The following WDR25 variants were observed in gnomAD, a reference collection of about 807,000 sequenced individuals.
WDR25 encodes the protein WD repeat domain 25.
In WDR25, 35 loss-of-function variants were observed where a neutral mutation model predicts 47.7. The ratio of observed to expected loss-of-function variants is 0.73; its 90% confidence interval spans 0.56 to 0.97. The LOEUF is 0.97. WDR25 is among the 50% of genes least tolerant of loss of function. The pLI, the probability that WDR25 is intolerant of heterozygous loss-of-function variation, is 0.00. For synonymous variants in WDR25, 248 were observed against 278.9 expected, an observed-to-expected ratio of 0.89 and a Z score of 1.10; for missense variants, 634 against 704.7, an observed-to-expected ratio of 0.90 and a Z score of 1.14.
rs1331203704 is a variant in WDR25, at chr14:100,380,970, G to T, written c.46G>T (p.Asp16Tyr). The T allele has an allele frequency of 6.2e-7, 1 of 1,614,120 alleles. No homozygotes were observed. The change falls in exon 2 of 7, where the codon GAT becomes TAT. Residue 16 changes from aspartate (D) to tyrosine (Y), a missense_variant. By Grantham distance (160) the Asp-to-Tyr change is radical. Coordinates refer to ENST00000402312, the MANE Select transcript of WDR25 (RefSeq NM_001161476.3). ...LSLMASLVAYDDSDSEAETEH... is the reference protein window; with the variant it reads ...LSLMASLVAYYDSDSEAETEH... ...TTTAATGGCTTCATTGGTAGCGTATGATGATTCGGACTCGGAGGCTGAGAC... is the reference window on the plus strand; with the variant it reads ...TTTAATGGCTTCATTGGTAGCGTATTATGATTCGGACTCGGAGGCTGAGAC...
Position 100,499,819 on chromosome 14 carries a change from G to T in WDR25, c.1101+15695G>T, listed in dbSNP as rs552013912. 5.3e-5 allele frequency among the ~76,000 whole-genome samples: 8 copies of T among 152,266 alleles called. No homozygotes were observed. The highest frequency in any genetic ancestry group is 1.9e-4 in the African/African-American group (8 of 41,548). ...TTCGCTGTGTTCTGCTTTGCTCCCA[G>T]TCCTTGCTAATCAGCCCAGCCAAGC... On this transcript the variant is annotated intron_variant, in intron 4 of 6. Transcript: ENST00000402312. The surrounding 1 kb of genome is among the most constrained non-coding windows in gnomAD (Gnocchi z 4.4).
At chr14:100,394,464 C>A (rs1238014739) in intron 2 of WDR25, among the ~76,000 whole-genome samples, 2 of 152,222 alleles carry the variant, frequency 1.3e-5, no homozygotes, top group Non-Finnish European at 2.9e-5. Context: ...GTGGCAGTGT[C>A]AGCAGGGCTG....
In WDR25 at chr14:100,492,913, G is replaced by A. The variant is rs1034446787; in HGVS notation, c.1101+8789G>A. ...TGCATCCTCGAACTCCTGGGCTCAAGGTATCCTCCAGCCTCAGCTTCTCTA... is the reference window on the plus strand; with the variant it reads ...TGCATCCTCGAACTCCTGGGCTCAAAGTATCCTCCAGCCTCAGCTTCTCTA... On this transcript the variant is annotated intron_variant, in intron 4 of 6. Transcript: ENST00000402312. Among the ~76,000 whole-genome samples, 3 of 152,260 alleles carry A rather than the reference G, an allele frequency of 2.0e-5. No individual in the cohort carries two copies. In the East Asian group the frequency reaches 5.8e-4, roughly 29 times the overall value.
At chr14:100,434,811 A>C (rs1898450869) in intron 2 of WDR25, among the ~76,000 whole-genome samples, 1 of 151,798 alleles carries the variant, frequency 6.6e-6, no homozygotes, top group Admixed American at 6.6e-5. Flanking sequence ...TTTTCCTTCT[A>C]TGTTTCTTTT....
chr14:100,511,574 C>T (rs1901313227), intron 4 of WDR25, among the ~76,000 whole-genome samples: 1 of 152,064 alleles, frequency 6.6e-6, no homozygotes, highest in African/African-American at 2.4e-5. Context: ...CTCCCTTCCT[C>T]CTTTTCTCCT....
At chr14:100,513,179 G>A (rs903351119) in intron 4 of WDR25, among the ~76,000 whole-genome samples, 3 of 152,082 alleles carry the variant, frequency 2.0e-5, no homozygotes, top group East Asian at 1.9e-4. Context: ...TACTTTGAAC[G>A]TATGTATCCC....
In WDR25 at chr14:100,449,458, C is replaced by G. The variant is rs113181775; in HGVS notation, c.823-18563C>G. Reference sequence around the variant, plus strand: ...GAGAGTGGTCACCTCTATTCCGGGGCCCTGCCCTGGCTGGCTGTTGCATTG... The same window carrying G: ...GAGAGTGGTCACCTCTATTCCGGGGGCCTGCCCTGGCTGGCTGTTGCATTG... On this transcript the variant is annotated intron_variant, in intron 2 of 6. Coordinates refer to ENST00000402312, the MANE Select transcript of WDR25 (RefSeq NM_001161476.3). The surrounding 1 kb of genome is among the most constrained non-coding windows in gnomAD (Gnocchi z 4.2). 2.0e-5 allele frequency among the ~76,000 whole-genome samples: 3 copies of G among 152,324 alleles called. No homozygotes were observed. The highest frequency in any genetic ancestry group is 2.0e-4 in the Admixed American group (3 of 15,312).
chr14:100,465,139 AT>A (rs1027245599), intron 2 of WDR25, among the ~76,000 whole-genome samples: 1 of 151,736 alleles, frequency 6.6e-6, no homozygotes, highest in Non-Finnish European at 1.5e-5. Flanking sequence ...AAATTCACGT[AT>A]AAATGAGATC....
intron 4 of WDR25, among the ~76,000 whole-genome samples, chr14:100,512,707 G>A (rs1172725400): frequency 2.6e-5 from 4 of 151,922 alleles, no homozygotes; most frequent in East Asian, 1.9e-4. Context: ...ATTCTTTTCC[G>A]ATTATAGATG....
intron 2 of WDR25, among the ~76,000 whole-genome samples, chr14:100,421,575 C>T (rs75177883): frequency 0.042 from 6,418 of 152,242 alleles, 304 homozygotes; most frequent in African/African-American, 0.12. Context: ...GATGCACCAC[C>T]AGGTTTTAGT....
chr14:100,410,202 G>C (rs148692821), intron 2 of WDR25, among the ~76,000 whole-genome samples: 21 of 152,290 alleles, frequency 1.4e-4, no homozygotes, highest in African/African-American at 4.8e-4. Flanking sequence ...CGTCAAACAC[G>C]TCAGTGCTCG....
chr14:100,494,184 A>G (rs116789522), intron 4 of WDR25, among the ~76,000 whole-genome samples: 5 of 152,282 alleles, frequency 3.3e-5, no homozygotes, highest in South Asian at 2.1e-4. Context: ...TTGGCCTCCT[A>G]AAAGTGTTAG....
At chr14:100,427,041 C>T (rs767232459) in intron 2 of WDR25, among the ~76,000 whole-genome samples, 3 of 152,140 alleles carry the variant, frequency 2.0e-5, no homozygotes, top group South Asian at 2.1e-4. Context: ...GATAAAAGCC[C>T]GGTCCATCAA....
chr14:100,507,105 T>A (rs1405538023), intron 4 of WDR25, among the ~76,000 whole-genome samples: 3 of 152,174 alleles, frequency 2.0e-5, no homozygotes, highest in Non-Finnish European at 4.4e-5. Context: ...CAGGGGCCAG[T>A]TTCATTTTTT....
chr14:100,433,062 C>T (rs1047406178), intron 2 of WDR25, among the ~76,000 whole-genome samples: 1 of 152,190 alleles, frequency 6.6e-6, no homozygotes, highest in Non-Finnish European at 1.5e-5. Flanking sequence ...GCATGTGGAT[C>T]GTCATTGACT....
chr14:100,380,997 G>C lies in WDR25; in HGVS notation c.73G>C (p.Glu25Gln). Residue 25 changes from glutamate to glutamine, a missense_variant, in exon 2 of 7, where the codon GAG becomes CAG. Transcript: ENST00000402312. Reference protein sequence around the residue: ...YDDSDSEAETEHAGSFNATGQ... With the variant: ...YDDSDSEAETQHAGSFNATGQ... ...TGATTCGGACTCGGAGGCTGAGACA[G>C]AGCATGCAGGAAGTTTTAATGCTAC... 1 of 1,614,232 alleles carries C rather than the reference G, an allele frequency of 6.2e-7. No homozygotes were observed. The highest frequency in any genetic ancestry group is 1.3e-5 in the African/African-American group (1 of 75,060).
At chr14:100,396,230 C>A (rs1474001076) in intron 2 of WDR25, among the ~76,000 whole-genome samples, 2 of 152,176 alleles carry the variant, frequency 1.3e-5, no homozygotes, top group Non-Finnish European at 1.5e-5. Context: ...CCTGCCTCAG[C>A]CTCCCAAAGT....
At chr14:100,515,993 A>AT (rs143630748) in intron 4 of WDR25, among the ~76,000 whole-genome samples, 14,841 of 144,072 alleles carry the variant, frequency 0.1, 2,347 homozygotes, top group African/African-American at 0.34. Flanking sequence ...CTATTGACAG[A>AT]TTTTTTTTTT....
At chr14:100,382,063 C>G (rs1896915585) in intron 2 of WDR25, 1 of 702,774 alleles carries the variant, frequency 1.4e-6, no homozygotes, top group African/African-American at 1.7e-5. Flanking sequence ...GCCCTGGGGA[C>G]TGGGGACATC....
Sources: gnomAD v4.1 joint callset for allele counts (sites outside exome capture counted in the v4.1 genomes callset) on GRCh38, gnomAD v4.1.1 for gene constraint, Gnocchi (gnomAD v3.1) non-coding constraint, MANE v1.5 for transcripts, NCBI Gene and HGNC (gene_info 2026-07-23, HGNC 2026-07-21) for gene names.